Variants in IMPDH1 observed in about 807,000 individuals in gnomAD.
The protein encoded by IMPDH1 is inosine-5'-monophosphate dehydrogenase 1.
IMPDH1 carries 41 observed loss-of-function variants against 73.5 expected under a neutral mutation model. That is an observed-to-expected ratio of 0.56 (90% confidence interval 0.43 to 0.72). The LOEUF is 0.72. IMPDH1 is among the 30% of genes least tolerant of loss of function. IMPDH1 has a pLI of 0.00. For missense variants in IMPDH1, 645 were observed against 824.8 expected, an observed-to-expected ratio of 0.78 and a Z score of 2.67; for synonymous variants, 318 against 334.3, an observed-to-expected ratio of 0.95 and a Z score of 0.53.
At chr7:128,393,524 A>AG (rs1394423305) in intron 16 of IMPDH1, among the ~76,000 whole-genome samples, 1 of 152,116 alleles carries the variant, frequency 6.6e-6, no homozygotes, top group African/African-American at 2.4e-5. Flanking sequence ...CAGCTGGATG[A>AG]GGGGACACTG....
In IMPDH1 at chr7:128,401,059, G is replaced by C. The variant is rs2116669210; in HGVS notation, c.460C>G (p.Pro154Ala). 1 of 1,614,172 alleles carries C rather than the reference G, an allele frequency of 6.2e-7. No individual in the cohort carries two copies. ...TCAGCCTCTGTCACAGTGTCCATGGGGGAGGAGATCAGTGGCGTCTTCAGC... is the reference window on the plus strand; with the variant it reads ...TCAGCCTCTGTCACAGTGTCCATGGCGGAGGAGATCAGTGGCGTCTTCAGC... ...ITLKTPLISS[P>A]MDTVTEADMA... Residue 154 changes from proline to alanine, a missense_variant, in exon 6 of 17, where the codon CCC becomes GCC. Physicochemically the swap from Pro to Ala is conservative, Grantham distance 27. Transcript: ENST00000338791.
Position 128,398,514 on chromosome 7 carries a change from G to T in IMPDH1, c.974C>A (p.Ser325Tyr), listed in dbSNP as rs1473266703. Residue 325 changes from serine to tyrosine, a missense_variant, in exon 10 of 17, where the codon TCC becomes TAC. Physicochemically the swap from Ser to Tyr is moderately radical, Grantham distance 144. Transcript: ENST00000338791. This position sits in a 1 kb window ranked among gnomAD's most constrained non-coding sequence, Gnocchi z 4.3. ...TGCCCCACAGAGCAGCTGCTTCTGG[G>T]AATCCTTGGAGGCCAGAGGGTAGTC... ...NRDYPLASKD[S>Y]QKQLLCGAAV... is the part of the protein sequence containing the mutation. 1 of 1,613,644 alleles carries T rather than the reference G, an allele frequency of 6.2e-7. No homozygotes were observed. The highest frequency in any genetic ancestry group is 8.5e-7 in the Non-Finnish European group (1 of 1,179,838).
At chr7:128,395,399 G>A in intron 12 of IMPDH1, 125 bp from the exon 13 acceptor site, 2 of 1,182,030 alleles carry the variant, frequency 1.7e-6, no homozygotes, top group Non-Finnish European at 2.4e-6. Context: ...AGGGCTGGAT[G>A]GTGTGTCTGA....
chr7:128,409,700 G>T, intron 1 of IMPDH1, 56 bp downstream of exon 1: 1 of 1,519,252 alleles, frequency 6.6e-7, no homozygotes, highest in Non-Finnish European at 8.8e-7. Context: ...GAGCCGCCGC[G>T]CCCTCCTCGG....
At chr7:128,405,918 T>A in intron 3 of IMPDH1, 53 bp from the exon 4 acceptor site, 1 of 1,458,192 alleles carries the variant, frequency 6.9e-7, no homozygotes, top group Non-Finnish European at 9.1e-7. Flanking sequence ...CGCCCGCCGC[T>A]GCCGCCGCTG....
chr7:128,401,139 C>A (rs1333463505), intron 5 of IMPDH1, 23 bp from the exon 6 acceptor site: 2 of 1,580,098 alleles, frequency 1.3e-6, no homozygotes, highest in Non-Finnish European at 1.7e-6. Flanking sequence ...GCACAGCCCA[C>A]GTAAAGAGTT....
At chr7:128,404,002 T>C (rs1169397018) in intron 4 of IMPDH1, among the ~76,000 whole-genome samples, 1 of 152,208 alleles carries the variant, frequency 6.6e-6, no homozygotes, top group East Asian at 1.9e-4. Flanking sequence ...ATCAAGGTAA[T>C]AGGCCCAAAA....
intron 5 of IMPDH1, among the ~76,000 whole-genome samples, chr7:128,401,447 G>A (rs1167871814): frequency 6.6e-6 from 1 of 152,186 alleles, no homozygotes; most frequent in Non-Finnish European, 1.5e-5. Context: ...CAGAGGGGCT[G>A]TCACTCTCGG....
rs79018700 is a variant in IMPDH1, at chr7:128,404,371, G to A, written c.354-617C>T. ...GCCTTAGAGGTGGGACCAGGACACT[G>A]GGTCCCCAGCCAAAGCATGGCAGCT... On this transcript the variant is annotated intron_variant, in intron 4 of 16. Coordinates refer to ENST00000338791, the MANE Select transcript of IMPDH1 (RefSeq NM_000883.4). Among the ~76,000 whole-genome samples, 689 of 152,256 alleles carry A rather than the reference G, an allele frequency of 4.5e-3. 9 individuals are homozygous for A. The highest frequency in any genetic ancestry group is 0.016 in the African/African-American group (658 of 41,544).
intron 1 of IMPDH1, 59 bp from the exon 2 acceptor site, chr7:128,409,543 C>T: frequency 6.3e-7 from 1 of 1,593,064 alleles, no homozygotes; most frequent in Non-Finnish European, 8.6e-7. Context: ...CCCCGTGCAA[C>T]GAAGCACCTA....
chr7:128,409,381 G>A (rs1430404238), intron 2 of IMPDH1, 29 bp from the exon 3 acceptor site: 2 of 1,614,186 alleles, frequency 1.2e-6, no homozygotes, highest in Admixed American at 1.7e-5. Context: ...GGAGGGGTAA[G>A]CCAAGTCAGT....
rs1185316015 is a variant in IMPDH1, at chr7:128,400,100, T to C, written c.869A>G (p.Lys290Arg). The part of the protein sequence containing the change: ...KEANEILQRS[K>R]KGKLPIVNDC... ...TTCAACTAGCTCCCTGGTACCTTTC[T>C]TGCTACGCTGCAGGATCTCATTTGC... Residue 290 changes from lysine (K) to arginine (R), a missense_variant, in exon 9 of 17, where the codon AAG becomes AGG. This residue lies in a region of IMPDH1 where 459 missense variants were observed against 638.2 expected (regional missense o/e 0.72). Coordinates refer to ENST00000338791, the MANE Select transcript of IMPDH1 (RefSeq NM_000883.4). 2.5e-6 allele frequency: 4 copies of C among 1,611,634 alleles called. No individual in the cohort carries two copies. The highest frequency in any genetic ancestry group is 3.3e-5 in the Admixed American group (2 of 60,006).
In IMPDH1 at chr7:128,401,061, G is replaced by C. The variant is rs1562994573; in HGVS notation, c.458C>G (p.Ser153Cys). The change falls in exon 6 of 17, where the codon TCC (serine) becomes TGC (cysteine). Residue 153 changes from serine to cysteine, a missense_variant. By Grantham distance (112) the Ser-to-Cys change is moderately radical (BLOSUM62 -1). Transcript: ENST00000338791. ...AGCCTCTGTCACAGTGTCCATGGGG[G>C]AGGAGATCAGTGGCGTCTTCAGCGT... ...KITLKTPLIS[S>C]PMDTVTEADM... 6.2e-7 allele frequency: 1 copy of C among 1,614,108 alleles called. No homozygotes were observed. Among genetic ancestry groups the C allele is most frequent in the African/African-American group, 1.3e-5 (1 of 75,040 alleles).
intron 9 of IMPDH1, among the ~76,000 whole-genome samples, chr7:128,399,686 CAA>C (rs796291043): frequency 1.6e-5 from 2 of 128,736 alleles, no homozygotes. Context: ...GACTCTGTCT[CAA>C]AAAAAAAAAA....
chr7:128,409,864 C>T lies in IMPDH1; in HGVS notation c.38G>A (p.Gly13Asp). Reference protein sequence around the residue: ...GPLTPPPLQGGGAAAVPEPGA... With the variant: ...GPLTPPPLQGDGAAAVPEPGA... ...GGGCTCCGGAACAGCGGCGGCTCCG[C>T]CTCCCTGCAGCGGTGGTGGAGTGAG... The change falls in exon 1 of 17, where the codon GGC becomes GAC. Residue 13 changes from glycine to aspartate, a missense_variant. Gly to Asp is a moderately conservative substitution (Grantham distance 94, BLOSUM62 -1). Transcript: ENST00000338791. 6.7e-7 allele frequency: 1 copy of T among 1,489,060 alleles called. No individual in the cohort carries two copies. Among genetic ancestry groups the T allele is most frequent in the Non-Finnish European group, 8.9e-7 (1 of 1,126,230 alleles). 92.2% of individuals were successfully genotyped at this position (1,489,060 alleles called of 1,614,324 possible).
intron 9 of IMPDH1, among the ~76,000 whole-genome samples, chr7:128,399,845 AT>A (rs1386741824): frequency 2.0e-5 from 3 of 152,164 alleles, no homozygotes; most frequent in Non-Finnish European, 4.4e-5. Flanking sequence ...ATTGCTCAGG[AT>A]TTTTTTCTGA....
chr7:128,407,387 C>T (rs1432246105), intron 3 of IMPDH1, among the ~76,000 whole-genome samples: 1 of 152,284 alleles, frequency 6.6e-6, no homozygotes, highest in East Asian at 1.9e-4. Context: ...AGGCTGGGGC[C>T]GGATTGCCAG....
At chr7:128,405,262 C>A (rs954010181) in intron 4 of IMPDH1, among the ~76,000 whole-genome samples, 3 of 152,198 alleles carry the variant, frequency 2.0e-5, no homozygotes, top group African/African-American at 7.2e-5. Flanking sequence ...GGCACCAATA[C>A]CAACCTGTGG....
chr7:128,393,080 C>A, intron 16 of IMPDH1, 52 bp from the exon 17 acceptor site: 1 of 1,603,390 alleles, frequency 6.2e-7, no homozygotes, highest in Non-Finnish European at 8.5e-7. Flanking sequence ...GGACCCTGCT[C>A]CTTCCCAAAA....
Sources: allele counts gnomAD v4.1 joint callset (sites outside exome capture counted in the v4.1 genomes callset), GRCh38; gene constraint gnomAD v4.1.1; regional missense constraint gnomAD v4.1.1; non-coding constraint Gnocchi (gnomAD v3.1); transcripts MANE v1.5; gene names NCBI Gene and HGNC (gene_info 2026-07-23, HGNC 2026-07-21).